DOCK5: variants seen among roughly 807,000 people sequenced by gnomAD.
DOCK5 encodes the protein dedicator of cytokinesis 5.
A neutral mutation model predicts 251.8 loss-of-function variants in DOCK5; 142 were observed. The ratio of observed to expected loss-of-function variants is 0.56; its 90% CI spans 0.49 to 0.65. The LOEUF is 0.65. Among genes scored for constraint, DOCK5 ranks in the 30% least tolerant of loss-of-function variants. The pLI, the probability that DOCK5 is intolerant of heterozygous loss-of-function variation, is 0.00. For synonymous variants in DOCK5, 842 were observed against 835.5 expected (o/e 1.01, Z -0.13); for missense variants, 2,111 against 2,312.3 (o/e 0.91, Z 1.79).
At chr8:25,206,572 T>C (rs190475066) in intron 1 of DOCK5, among the ~76,000 whole-genome samples, 71 of 152,158 alleles carry the variant, frequency 4.7e-4, no homozygotes, top group Admixed American at 7.2e-4. Flanking sequence ...ACATGACAAA[T>C]AGTTACAGTA....
rs746317312 is a variant in DOCK5 at position 25,310,383 on chromosome 8, C to T, written c.1193-24C>T. ...TTTATACATCATACAAAGAACTAAACGTTTATCTTTTATTTCTTTTAAGGC... is the reference window on the plus strand; with the variant it reads ...TTTATACATCATACAAAGAACTAAATGTTTATCTTTTATTTCTTTTAAGGC... On this transcript the variant is annotated intron_variant, in intron 12 of 51. Transcript: ENST00000276440. The T allele has an allele frequency of 2.5e-5, 40 of 1,591,544 alleles. No homozygotes were observed. In the East Asian group the frequency reaches 4.9e-4, roughly 20 times the overall value.
At chr8:25,281,165 G>A (rs934203116) in intron 5 of DOCK5, among the ~76,000 whole-genome samples, 2 of 152,002 alleles carry the variant, frequency 1.3e-5, no homozygotes, top group East Asian at 3.9e-4. Flanking sequence ...AGTGGCTCGT[G>A]CCTGTAATCC....
chr8:25,286,065 T>C (rs938991001), intron 5 of DOCK5, among the ~76,000 whole-genome samples: 1 of 152,200 alleles, frequency 6.6e-6, no homozygotes, highest in Non-Finnish European at 1.5e-5. Context: ...ACTGCACTTT[T>C]ATCTGACACA....
At chr8:25,302,267 A>T in intron 9 of DOCK5, 58 bp from the exon 10 acceptor site, 1 of 1,520,644 alleles carries the variant, frequency 6.6e-7, no homozygotes, top group Non-Finnish European at 8.8e-7. Context: ...GAAAAAAGAG[A>T]CACAGGTGAC....
At chr8:25,397,082 C>T (rs931763333) in intron 45 of DOCK5, among the ~76,000 whole-genome samples, 3 of 151,858 alleles carry the variant, frequency 2.0e-5, no homozygotes, top group Non-Finnish European at 4.4e-5. Flanking sequence ...ATCAGCTGGG[C>T]GTGATGGCGG....
chr8:25,314,106 CTCTTTTTTTT>C (rs1369678441), intron 13 of DOCK5, among the ~76,000 whole-genome samples: 1 of 82,484 alleles, frequency 1.2e-5, no homozygotes, highest in African/African-American at 4.4e-5. Flanking sequence ...CAGGACTCCC[CTCTTTTTTTT>C]TTTTTTTTTT....
intron 26 of DOCK5, among the ~76,000 whole-genome samples, chr8:25,350,168 A>G (rs1800440976): frequency 6.6e-6 from 1 of 152,182 alleles, no homozygotes; most frequent in Non-Finnish European, 1.5e-5. Context: ...CGTGGATCAA[A>G]TCTTCATGTT....
At chr8:25,291,643 A>T (rs893750604) in intron 5 of DOCK5, among the ~76,000 whole-genome samples, 2 of 143,730 alleles carry the variant, frequency 1.4e-5, no homozygotes, top group African/African-American at 5.1e-5. Flanking sequence ...AGTTTGTGCC[A>T]CTGCACTCCA....
intron 5 of DOCK5, among the ~76,000 whole-genome samples, chr8:25,280,084 A>G (rs745729690): frequency 6.6e-6 from 1 of 152,190 alleles, no homozygotes; most frequent in Non-Finnish European, 1.5e-5. Flanking sequence ...TGTTTATTCT[A>G]AAGTTGCTTC....
chr8:25,353,905 C>T (rs1800515400), intron 27 of DOCK5, among the ~76,000 whole-genome samples: 1 of 151,690 alleles, frequency 6.6e-6, no homozygotes, highest in South Asian at 2.1e-4. Context: ...ATCTGTAACC[C>T]CAGCTACTCC....
chr8:25,252,992 C>A (rs971840264), intron 2 of DOCK5, among the ~76,000 whole-genome samples: 3 of 152,086 alleles, frequency 2.0e-5, no homozygotes, highest in African/African-American at 7.2e-5. Context: ...CCACCACGCC[C>A]AGCTAATTTT....
intron 1 of DOCK5, 24 bp downstream of exon 1, chr8:25,184,975 C>T (rs750063142): frequency 3.7e-6 from 5 of 1,355,080 alleles, no homozygotes; most frequent in South Asian, 2.0e-5. Context: ...CCACCTTGTC[C>T]CGGCCCGACC....
chr8:25,308,237 G>A (rs1469350961), intron 11 of DOCK5, among the ~76,000 whole-genome samples: 2 of 152,146 alleles, frequency 1.3e-5, no homozygotes, highest in East Asian at 3.9e-4. Flanking sequence ...CCTATGCCAA[G>A]ATCTAGCTTG....
At chr8:25,344,319 C>T (rs935204081) in intron 25 of DOCK5, among the ~76,000 whole-genome samples, 1 of 152,206 alleles carries the variant, frequency 6.6e-6, no homozygotes, top group Non-Finnish European at 1.5e-5. Context: ...AAACTCAAGA[C>T]TTGCTAGAGT....
At chr8:25,345,254 A>AG in intron 25 of DOCK5, 1 of 331,928 alleles carries the variant, frequency 3.0e-6, no homozygotes, top group Non-Finnish European at 5.4e-6. Flanking sequence ...GAGAAGGGTC[A>AG]TTTTTTTTTT....
At chr8:25,285,347 T>G (rs961920183) in intron 5 of DOCK5, among the ~76,000 whole-genome samples, 1 of 152,134 alleles carries the variant, frequency 6.6e-6, no homozygotes, top group Non-Finnish European at 1.5e-5. Context: ...GGTTTCACCA[T>G]GTTGGCCAGG....
chr8:25,225,495 A>G (rs1586242836), intron 1 of DOCK5, among the ~76,000 whole-genome samples: 1 of 152,162 alleles, frequency 6.6e-6, no homozygotes, highest in Non-Finnish European at 1.5e-5. Flanking sequence ...TCACTAGGTA[A>G]AGAGATTGAG....
At chr8:25,189,365 T>C (rs1013322273) in intron 1 of DOCK5, among the ~76,000 whole-genome samples, 76 of 152,190 alleles carry the variant, frequency 5.0e-4, no homozygotes, top group African/African-American at 1.8e-3. Flanking sequence ...GCTGATTTTT[T>C]TTTCTTTTCT....
rs192777749 is a variant in DOCK5, at chr8:25,187,313, G to A, written c.43+2362G>A. Among the ~76,000 whole-genome samples the A allele has an allele frequency of 5.9e-3, 868 of 147,104 alleles. 10 individuals are homozygous for A. Among genetic ancestry groups the A allele is most frequent in the African/African-American group, 0.021 (804 of 38,788 alleles). On this transcript the variant is annotated intron_variant, in intron 1 of 51. Transcript: ENST00000276440. ...TATATACATATATATGTATATATGC[G>A]TATATGTGTGTGTGTGTATATATAT...
Sources: gnomAD v4.1 joint callset for allele counts (sites outside exome capture counted in the v4.1 genomes callset) on GRCh38, gnomAD v4.1.1 for gene constraint, MANE v1.5 for transcripts, NCBI Gene and HGNC (gene_info 2026-07-23, HGNC 2026-07-21) for gene names.